SLC2A4RG: variants seen among roughly 807,000 people sequenced by gnomAD.
SLC2A4RG encodes GLUT4 enhancer factor.
In SLC2A4RG, 23 loss-of-function variants were observed where a neutral mutation model predicts 35.5. That is an observed-to-expected ratio of 0.65 (90% CI 0.47 to 0.92). SLC2A4RG has a LOEUF of 0.92. Ranked by LOEUF, SLC2A4RG falls within the 40% of genes least tolerant of loss-of-function variation. The probability of loss-of-function intolerance (pLI) is 0.00; values close to 1 mark genes in which losing one functional copy is unlikely to be tolerated. For missense variants in SLC2A4RG, 539 were observed against 525.0 expected, an observed-to-expected ratio of 1.03 and a Z score of -0.26; for synonymous variants, 306 against 243.7, an observed-to-expected ratio of 1.26 and a Z score of -2.38.
rs968429613 is a variant in SLC2A4RG at position 63,743,533 on chromosome 20, C to T, written c.*543C>T. On this transcript the variant is annotated 3_prime_UTR_variant, in exon 8 of 8. Transcript: ENST00000266077. ...TTTGTCTGCCTCTCGGGAGGAAGGC[C>T]GTGGGGCTGGGACCCTGTGGTGGGC... is the stretch of plus-strand genomic sequence containing the variant. 5.9e-5 allele frequency: 9 copies of T among 153,094 alleles called. No homozygotes were observed. The highest frequency in any genetic ancestry group is 3.2e-4 in the Admixed American group (5 of 15,392). The allele number at this position is 153,094 out of a possible 1,614,324, so 9.5% of individuals were successfully genotyped here.
chr20:63,740,479 G>C lies in SLC2A4RG; in HGVS notation c.229G>C (p.Ala77Pro). The C allele has an allele frequency of 8.1e-7, 1 of 1,229,768 alleles. No individual in the cohort carries two copies. Among genetic ancestry groups the C allele is most frequent in the Non-Finnish European group, 1.0e-6 (1 of 986,096 alleles). 76.2% of individuals were successfully genotyped at this position (1,229,768 alleles called of 1,614,324 possible). A position where few individuals can be genotyped will look rare whatever the true frequency, so the allele number is the denominator to read the frequency against. The change falls in exon 2 of 8, where the codon GCG (alanine) becomes CCG (proline). Residue 77 changes from alanine (A) to proline (P), a missense_variant. Coordinates refer to ENST00000266077, the MANE Select transcript of SLC2A4RG (RefSeq NM_020062.4). ...GGGGGCCCCCCGGACGTGGACGGGG[G>C]CGGCGGCGGGGCCCCGGACTCCGTC... ...DLGAPRTWTG[A>P]AAGPRTPSAH... is the part of the protein sequence containing the mutation.
At chr20:63,741,169 ACCCTGGCCCTGC>A (rs1234513005) in intron 2 of SLC2A4RG, 189 bp from the exon 3 acceptor site, 1 of 585,774 alleles carries the variant, frequency 1.7e-6, no homozygotes, top group Non-Finnish European at 3.0e-6. Context: ...GCTTCAGGAG[ACCCTGGCCCTGC>A]TCCTGGCGGC....
At chr20:63,740,108 C>A in intron 1 of SLC2A4RG, 70 bp downstream of exon 1, 1 of 801,740 alleles carries the variant, frequency 1.2e-6, no homozygotes. Context: ...CAGTGCTGCC[C>A]AAACTTCGGG....
In SLC2A4RG at chr20:63,742,631, GGT is replaced by G; in HGVS notation, c.960+18_960+19del. The G allele has an allele frequency of 6.3e-7, 1 of 1,576,638 alleles. No homozygotes were observed. Among genetic ancestry groups the G allele is most frequent in the East Asian group, 2.3e-5 (1 of 44,236 alleles). On this transcript the variant is annotated intron_variant, in intron 6 of 7. Transcript: ENST00000266077. ...TGTCTACCAGGTGGGTGAGGCCACG[GGT>G]GGCAGCTGGGGCGGGTCTCAGGGCT... is the stretch of plus-strand genomic sequence containing the variant.
chr20:63,740,537 C>G lies in SLC2A4RG; in HGVS notation c.281+6C>G, dbSNP rs1277093049. The stretch of plus-strand genomic sequence containing the variant: ...ATCCCCGTCCCAGCGCAGAGGTGAG[C>G]GGGAGGCCCGGTGCCTCGGGACTCG... On this transcript the variant is annotated splice_donor_region_variant and intron_variant, in intron 2 of 7. Coordinates refer to ENST00000266077, the MANE Select transcript of SLC2A4RG (RefSeq NM_020062.4). The G allele has an allele frequency of 8.1e-7, 1 of 1,228,798 alleles. No individual in the cohort carries two copies. Among genetic ancestry groups the G allele is most frequent in the Non-Finnish European group, 1.0e-6 (1 of 985,908 alleles). The allele number at this position is 1,228,798 out of a possible 1,614,324, so 76.1% of individuals were successfully genotyped here.
rs1241221327 is a variant in SLC2A4RG at position 63,740,459 on chromosome 20, C to G, written c.209C>G (p.Ala70Gly). 1.6e-6 allele frequency: 2 copies of G among 1,229,612 alleles called. No homozygotes were observed. Among genetic ancestry groups the G allele is most frequent in the East Asian group, 3.2e-5 (1 of 31,494 alleles). The allele number at this position is 1,229,612 out of a possible 1,614,324, so 76.2% of individuals were successfully genotyped here. Residue 70 changes from alanine (A) to glycine (G), a missense_variant, in exon 2 of 8, where the codon GCC becomes GGC. Ala to Gly is a moderately conservative substitution (Grantham distance 60). Coordinates refer to ENST00000266077, the MANE Select transcript of SLC2A4RG (RefSeq NM_020062.4). ...ESEPRASDLG[A>G]PRTWTGAAAG... The stretch of plus-strand genomic sequence containing the variant: ...GAGCCGCGGGCCTCGGACCTGGGGG[C>G]CCCCCGGACGTGGACGGGGGCGGCG...
intron 2 of SLC2A4RG, 68 bp from the exon 3 acceptor site, chr20:63,741,302 T>TGG (rs1193168810): frequency 1.0e-5 from 15 of 1,459,232 alleles, no homozygotes; most frequent in Non-Finnish European, 2.9e-6. Context: ...GGCCTGCACG[T>TGG]GGACCGACCA....
At chr20:63,741,519 A>G (rs2092041435) in intron 3 of SLC2A4RG, 40 bp downstream of exon 3, 1 of 1,568,350 alleles carries the variant, frequency 6.4e-7, no homozygotes, top group Non-Finnish European at 8.7e-7. Context: ...GTGGGTGGGG[A>G]CAGGGCTCAG....
At chr20:63,741,207 GCT>G (rs980090718) in intron 2 of SLC2A4RG, 161 bp from the exon 3 acceptor site, 10 of 653,276 alleles carry the variant, frequency 1.5e-5, no homozygotes, top group South Asian at 3.8e-5. Flanking sequence ...GTGGCTTTCA[GCT>G]CTCTCTGCAA....
chr20:63,740,480 C>T lies in SLC2A4RG; in HGVS notation c.230C>T (p.Ala77Val), dbSNP rs576252805. Residue 77 changes from alanine to valine, a missense_variant, in exon 2 of 8, where the codon GCG becomes GTG. Coordinates refer to ENST00000266077, the MANE Select transcript of SLC2A4RG (RefSeq NM_020062.4). ...GGGGCCCCCCGGACGTGGACGGGGG[C>T]GGCGGCGGGGCCCCGGACTCCGTCG... Reference protein sequence around the residue: ...DLGAPRTWTGAAAGPRTPSAH... With the variant: ...DLGAPRTWTGVAAGPRTPSAH... The T allele has an allele frequency of 0.014, 17,645 of 1,229,670 alleles. 153 individuals are homozygous for T. Among genetic ancestry groups the T allele is most frequent in the Non-Finnish European group, 0.016 (16,124 of 986,048 alleles). The allele number at this position is 1,229,670 out of a possible 1,614,324, so 76.2% of individuals were successfully genotyped here.
chr20:63,743,447 C>T lies in SLC2A4RG; in HGVS notation c.*457C>T, dbSNP rs754895619. 6.3e-6 allele frequency: 1 copy of T among 158,202 alleles called. No homozygotes were observed. Among genetic ancestry groups the T allele is most frequent in the South Asian group, 1.9e-4 (1 of 5,368 alleles). 9.8% of individuals were successfully genotyped at this position (158,202 alleles called of 1,614,324 possible). Reference sequence around the variant, plus strand: ...ATGTTTGTTTTTGAAGCTCAGGTGTCTCACGTCTGGGCTGCACCAGGCGAA... The same window carrying T: ...ATGTTTGTTTTTGAAGCTCAGGTGTTTCACGTCTGGGCTGCACCAGGCGAA... On this transcript the variant is annotated 3_prime_UTR_variant, in exon 8 of 8. Coordinates refer to ENST00000266077, the MANE Select transcript of SLC2A4RG (RefSeq NM_020062.4).
chr20:63,740,683 G>A (rs1256686394), intron 2 of SLC2A4RG, 152 bp downstream of exon 2: 3 of 778,830 alleles, frequency 3.9e-6, no homozygotes, highest in Non-Finnish European at 5.2e-6. Flanking sequence ...GAGCTGAGCA[G>A]AAATGATCGA....
In SLC2A4RG at chr20:63,742,139, C is replaced by G; in HGVS notation, c.589C>G (p.Gln197Glu). 1.2e-6 allele frequency: 2 copies of G among 1,604,474 alleles called. No homozygotes were observed. The highest frequency in any genetic ancestry group is 1.7e-6 in the Non-Finnish European group (2 of 1,176,050). Residue 197 changes from glutamine (Q) to glutamate (E), a missense_variant, in exon 5 of 8, where the codon CAG (glutamine) becomes GAG (glutamate). By Grantham distance (29) the Gln-to-Glu change is conservative. Transcript: ENST00000266077. ...PTLRKRKSPA[Q>E]VMFQCLWKSC... is the part of the protein sequence containing the mutation. The stretch of plus-strand genomic sequence containing the variant: ...GCCCCTGTTGCTGCAGAGCCCGGCC[C>G]AGGTCATGTTCCAGTGTCTGTGGAA...
chr20:63,741,194 C>T (rs976988947), intron 2 of SLC2A4RG, 176 bp from the exon 3 acceptor site: 5 of 611,860 alleles, frequency 8.2e-6, no homozygotes, highest in African/African-American at 1.9e-5. Flanking sequence ...CTGGCGGCTC[C>T]GGGTGGCTTT....
Position 63,741,973 on chromosome 20 carries a change from T to C in SLC2A4RG, c.496T>C (p.Ser166Pro). 2 of 1,612,876 alleles carry C rather than the reference T, an allele frequency of 1.2e-6. No homozygotes were observed. The highest frequency in any genetic ancestry group is 1.7e-6 in the Non-Finnish European group (2 of 1,179,812). Residue 166 changes from serine (S) to proline (P), a missense_variant, in exon 4 of 8, where the codon TCC becomes CCC. Ser to Pro is a moderately conservative substitution (Grantham distance 74, BLOSUM62 -1). Transcript: ENST00000266077. ...DWGWDLASDQ[S>P]SPSTPSPPLP... ...GGGATGGGACCTGGCCAGTGACCAG[T>C]CCTCTCCGTCCACCCCGTCACCCCC...
In SLC2A4RG at chr20:63,742,360, T is replaced by C. The variant is rs1461116841; in HGVS notation, c.705T>C (p.Ser235=). ...GGAGGCAGGCAGAGCCTGAGCAGAGTGATGGTGAGGAGGACTTCTACTACA... is the reference window on the plus strand; with the variant it reads ...GGAGGCAGGCAGAGCCTGAGCAGAGCGATGGTGAGGAGGACTTCTACTACA... ...HLGRQAEPEQ[S]DGEEDFYYTE... is the part of the protein sequence containing the mutation. The change falls in exon 6 of 8, where the codon AGT becomes AGC. Residue 235 remains serine (S), a synonymous_variant. Coordinates refer to ENST00000266077, the MANE Select transcript of SLC2A4RG (RefSeq NM_020062.4). 1 of 1,609,268 alleles carries C rather than the reference T, an allele frequency of 6.2e-7. No individual in the cohort carries two copies. Among genetic ancestry groups the C allele is most frequent in the Non-Finnish European group, 8.5e-7 (1 of 1,178,050 alleles).
Position 63,741,411 on chromosome 20 carries a change from C to T in SLC2A4RG, c.323C>T (p.Ala108Val). 1.2e-6 allele frequency: 2 copies of T among 1,612,832 alleles called. No homozygotes were observed. Among genetic ancestry groups the T allele is most frequent in the Non-Finnish European group, 1.7e-6 (2 of 1,179,902 alleles). ...GCCCGGCTGGACGAGGTCATGGCTG[C>T]CGCTGCCCTTACAAGCCTGTCCACC... is the stretch of plus-strand genomic sequence containing the variant. ...GKARLDEVMA[A>V]AALTSLSTSP... Residue 108 changes from alanine to valine, a missense_variant, in exon 3 of 8, where the codon GCC becomes GTC. Physicochemically the swap from Ala to Val is moderately conservative, Grantham distance 64. Transcript: ENST00000266077.
intron 3 of SLC2A4RG, 97 bp downstream of exon 3, chr20:63,741,576 C>T (rs1382887772): frequency 1.8e-5 from 22 of 1,232,986 alleles, no homozygotes; most frequent in Non-Finnish European, 2.5e-5. Context: ...GCCCTCAAAC[C>T]TGGGACTCCT....
Position 63,742,035 on chromosome 20 carries a change from G to A in SLC2A4RG, c.558G>A (p.Glu186=). 6.2e-7 allele frequency: 1 copy of A among 1,611,988 alleles called. No individual in the cohort carries two copies. The highest frequency in any genetic ancestry group is 1.1e-5 in the South Asian group (1 of 91,048). The change falls in exon 4 of 8, where the codon GAG becomes GAA. Residue 186 remains glutamate (E), a synonymous_variant. Coordinates refer to ENST00000266077, the MANE Select transcript of SLC2A4RG (RefSeq NM_020062.4). Reference sequence around the variant, plus strand: ...AGGCAGCCCACTTTCTGTTTGGGGAGCCCACCCTGAGAAAAAGGAAGGTGA... The same window carrying A: ...AGGCAGCCCACTTTCTGTTTGGGGAACCCACCCTGAGAAAAAGGAAGGTGA... ...PPEAAHFLFG[E]PTLRKRKSPA...
Sources: gnomAD v4.1 joint callset for allele counts on GRCh38, gnomAD v4.1.1 for gene constraint, MANE v1.5 for transcripts, NCBI Gene and HGNC (gene_info 2026-07-23, HGNC 2026-07-21) for gene names.